The following DPH6 variants were observed in gnomAD, a reference collection of about 807,000 sequenced individuals.
DPH6 encodes the protein diphthine--ammonia ligase.
Under a neutral mutation model 38.2 loss-of-function variants are expected in DPH6, and 33 were observed. The ratio of observed to expected loss-of-function variants is 0.86; its 90% CI spans 0.65 to 1.15. DPH6 has a LOEUF of 1.15. DPH6 is among the 50% of genes most tolerant of loss of function. The probability of loss-of-function intolerance (pLI) is 0.00; values close to 1 mark genes in which losing one functional copy is unlikely to be tolerated. For synonymous variants in DPH6, 108 were observed against 103.0 expected (o/e 1.05, Z -0.30); for missense variants, 325 against 320.0 (o/e 1.02, Z -0.12).
At chr15:35,147,392 G>T in the DPH6 span, among the ~76,000 whole-genome samples, 1 of 151,998 alleles carries the variant, frequency 6.6e-6, no homozygotes, top group Non-Finnish European at 1.5e-5. Context: ...CATGCACAGG[G>T]AATGTAAAAA....
intron 3 of DPH6, chr15:35,489,843 T>C: frequency 1.0e-6 from 1 of 973,472 alleles, no homozygotes; most frequent in Non-Finnish European, 1.2e-6. Flanking sequence ...AAAAGGAATA[T>C]TAATAAGAGT....
chr15:35,488,832 A>C (rs1475338697), intron 3 of DPH6, among the ~76,000 whole-genome samples: 1 of 151,112 alleles, frequency 6.6e-6, no homozygotes, highest in East Asian at 1.9e-4. Context: ...AGAGATAAAG[A>C]CACTGTAATT....
rs140297498 is a variant in DPH6 at position 35,250,026 on chromosome 15, C to T, written n.201-29444G>A. The stretch of plus-strand genomic sequence containing the variant: ...AAAATATAAAAAAAAATTAGCCGGG[C>T]GTGGTGGGCTACAGGGTGGTGGGCA... On this transcript the variant is annotated intron_variant and non_coding_transcript_variant, in intron 3 of 3. Transcript: ENST00000560386. Among the ~76,000 whole-genome samples the T allele has an allele frequency of 7.9e-3, 1,199 of 151,098 alleles. 8 individuals are homozygous for T. The highest frequency in any genetic ancestry group is 0.022 in the South Asian group (103 of 4,764).
In DPH6 at chr15:35,242,782, C is replaced by T. The variant is rs2051609231; in HGVS notation, n.201-22200G>A. On this transcript the variant is annotated intron_variant and non_coding_transcript_variant, in intron 3 of 3. Transcript: ENST00000560386. ...GTATAGACGCTCCTTTTTATTAGGC[C>T]CCAGTCTCATTCCAGACACCAGACC... Among the ~76,000 whole-genome samples, 2 of 141,968 alleles carry T rather than the reference C, an allele frequency of 1.4e-5. 1 individual carries two copies. The highest frequency in any genetic ancestry group is 3.1e-5 in the Non-Finnish European group (2 of 64,990). The allele number at this position is 141,968 out of a possible 152,430, so 93.1% of individuals were successfully genotyped here.
intron 3 of DPH6, among the ~76,000 whole-genome samples, chr15:35,257,445 T>C (rs2051715766): frequency 6.6e-6 from 1 of 152,190 alleles, no homozygotes; most frequent in Non-Finnish European, 1.5e-5. Context: ...AGGTTGTTGA[T>C]TGGAGTGACA....
chr15:35,311,083 A>AACAAC lies in DPH6; in HGVS notation n.200+62437_200+62438insGTTGT, dbSNP rs1566866195. On this transcript the variant is annotated intron_variant and non_coding_transcript_variant, in intron 3 of 3. Coordinates refer to the DPH6 transcript ENST00000560386. ...TCAAAAACAACAACAACAACAACAA[A>AACAAC]AAAAAAAACCCAAAAAAACCAGATC... Among the ~76,000 whole-genome samples the AACAAC allele has an allele frequency of 3.1e-3, 461 of 146,534 alleles. 6 individuals are homozygous for AACAAC. The highest frequency in any genetic ancestry group is 0.011 in the African/African-American group (406 of 36,476).
chr15:35,199,706 G>GA, the DPH6 span, among the ~76,000 whole-genome samples: 419 of 140,842 alleles, frequency 3.0e-3, 1 homozygote, highest in Admixed American at 0.013. Context: ...GCTTATGTCA[G>GA]AAAAAAAAAA....
rs1427803775 is a variant in DPH6, at chr15:35,383,720, C to G, written c.568-1804G>C. ...AGGAAATAGTATGACTAAATCCTTA[C>G]AATATCTTCTGTGGCCTCTCTAAAT... is the stretch of plus-strand genomic sequence containing the variant. On this transcript the variant is annotated intron_variant, in intron 6 of 8. Transcript: ENST00000256538. Among the ~76,000 whole-genome samples, 3 of 152,174 alleles carry G rather than the reference C, an allele frequency of 2.0e-5. 1 individual carries two copies. The highest frequency in any genetic ancestry group is 4.4e-5 in the Non-Finnish European group (3 of 68,026).
chr15:35,226,060 G>A (rs1194801287), intron 3 of DPH6, among the ~76,000 whole-genome samples: 5 of 152,026 alleles, frequency 3.3e-5, no homozygotes, highest in African/African-American at 7.2e-5. Flanking sequence ...CATAGTGTGC[G>A]ATGACAATGC....
At chr15:35,343,647 T>A (rs1481113) in intron 3 of DPH6, among the ~76,000 whole-genome samples, 43,701 of 151,860 alleles carry the variant, frequency 0.29, 6,564 homozygotes, top group South Asian at 0.38. Flanking sequence ...AAATAATTTA[T>A]CCTTTAACAA....
intron 6 of DPH6, among the ~76,000 whole-genome samples, chr15:35,409,945 C>T (rs966332290): frequency 4.6e-5 from 7 of 150,936 alleles, no homozygotes; most frequent in African/African-American, 1.7e-4. Flanking sequence ...AATAACATTT[C>T]GGAGATTTCT....
chr15:35,185,043 T>C, the DPH6 span, among the ~76,000 whole-genome samples: 14 of 151,714 alleles, frequency 9.2e-5, no homozygotes, highest in South Asian at 2.3e-3. Context: ...AGTGAAGATA[T>C]ATATGTAGAA....
chr15:35,237,399 A>T (rs1342328052), intron 3 of DPH6: 2 of 1,604,732 alleles, frequency 1.2e-6, no homozygotes, highest in Non-Finnish European at 1.7e-6. Context: ...CTTGTCCTGG[A>T]CAACAGTCGG....
rs910455828 is a variant in DPH6, at chr15:35,364,022, A to C, written n.207+9499T>G. 3.3e-5 allele frequency among the ~76,000 whole-genome samples: 5 copies of C among 151,930 alleles called. No homozygotes were observed. The East Asian group carries it at 9.7e-4, about 29-fold the overall frequency. On this transcript the variant is annotated intron_variant and non_coding_transcript_variant, in intron 3 of 3. Transcript: ENST00000558973. ...TTACATATAGTTAATATCTGCTTATATTTTCTCATGTTTACTCTTTTCATT... is the reference window on the plus strand; with the variant it reads ...TTACATATAGTTAATATCTGCTTATCTTTTCTCATGTTTACTCTTTTCATT...
chr15:35,376,987 C>T (rs2052789883), intron 7 of DPH6, among the ~76,000 whole-genome samples: 1 of 152,114 alleles, frequency 6.6e-6, no homozygotes, highest in Non-Finnish European at 1.5e-5. Context: ...CATATATAAA[C>T]ATATTCATAT....
At chr15:35,230,897 C>A (rs1595437587) in intron 3 of DPH6, among the ~76,000 whole-genome samples, 1 of 152,316 alleles carries the variant, frequency 6.6e-6, no homozygotes, top group South Asian at 2.1e-4. Context: ...AATGTCCTCC[C>A]CACTTTTCCA....
chr15:35,314,856 T>C (rs1369225224), intron 3 of DPH6, among the ~76,000 whole-genome samples: 1 of 152,106 alleles, frequency 6.6e-6, no homozygotes, highest in Non-Finnish European at 1.5e-5. Flanking sequence ...CGATGAAAAG[T>C]GGATTTTATA....
intron 5 of DPH6, among the ~76,000 whole-genome samples, chr15:35,442,658 C>T (rs947584501): frequency 2.6e-5 from 4 of 152,064 alleles, no homozygotes; most frequent in Admixed American, 6.6e-5. Context: ...GCTAAATAAA[C>T]GTATCTTTGT....
intron 5 of DPH6, among the ~76,000 whole-genome samples, chr15:35,446,968 A>C (rs2053862203): frequency 6.6e-6 from 1 of 151,322 alleles, no homozygotes; most frequent in Non-Finnish European, 1.5e-5. Context: ...TCCTGGGTTC[A>C]TGCCATTCTC....
Sources: allele counts gnomAD v4.1 joint callset (sites outside exome capture counted in the v4.1 genomes callset), GRCh38; gene constraint gnomAD v4.1.1; transcripts MANE v1.5; gene names NCBI Gene and HGNC (gene_info 2026-07-23, HGNC 2026-07-21).